Variants in DNAH5 observed in about 807,000 individuals in gnomAD.
DNAH5 encodes the protein axonemal beta dynein heavy chain 5.
DNAH5 carries 372 observed loss-of-function variants against 518.2 expected under a neutral mutation model. That is an observed-to-expected ratio of 0.72 (90% confidence interval 0.66 to 0.78). DNAH5 has a LOEUF of 0.78. DNAH5 is among the 30% of genes least tolerant of loss of function. The pLI, the probability that DNAH5 is intolerant of heterozygous loss-of-function variation, is 0.00. For synonymous variants in DNAH5, 2,039 were observed against 2,025.9 expected (o/e 1.01, Z -0.17); for missense variants, 5,523 against 5,687.0 (o/e 0.97, Z 0.93).
rs1756489412 is a variant in DNAH5, at chr5:13,788,802, T to G, written c.8561A>C (p.Glu2854Ala). The change falls in exon 51 of 79, where the codon GAG (glutamate) becomes GCG (alanine). Residue 2854 changes from glutamate to alanine, a missense_variant. By Grantham distance (107) the Glu-to-Ala change is moderately radical. Coordinates refer to ENST00000265104, the MANE Select transcript of DNAH5 (RefSeq NM_001369.3). ...CAAGAGTTTTTTCTCTTCACCAAAC[T>G]CCTCCTCTACCAAACTTACTAAAGC... ...DKALVSLVEE[E>A]FGEEKKLLVD... 2 of 1,613,952 alleles carry G rather than the reference T, an allele frequency of 1.2e-6. No individual in the cohort carries two copies. Among genetic ancestry groups the G allele is most frequent in the Non-Finnish European group, 1.7e-6 (2 of 1,179,998 alleles).
At chr5:13,992,038 C>T (rs979650612) in intron 1 of DNAH5, among the ~76,000 whole-genome samples, 2 of 152,180 alleles carry the variant, frequency 1.3e-5, no homozygotes, top group African/African-American at 4.8e-5. Flanking sequence ...GAGATGAAGA[C>T]AAACACCCAA....
chr5:13,806,050 A>G (rs1759534754), intron 47 of DNAH5, among the ~76,000 whole-genome samples: 1 of 152,226 alleles, frequency 6.6e-6, no homozygotes, highest in South Asian at 2.1e-4. Flanking sequence ...TAATGAAAAA[A>G]TAATCACACT....
intron 65 of DNAH5, among the ~76,000 whole-genome samples, chr5:13,742,947 G>T (rs531520278): frequency 6.6e-6 from 1 of 152,112 alleles, no homozygotes; most frequent in South Asian, 2.1e-4. Flanking sequence ...TTGTTGCTTG[G>T]TTTTTGTTCA....
At chr5:14,009,570 T>A (rs1784974582) in intron 1 of DNAH5, among the ~76,000 whole-genome samples, 1 of 152,204 alleles carries the variant, frequency 6.6e-6, no homozygotes, top group Non-Finnish European at 1.5e-5. Context: ...GCTACCAAAA[T>A]CCTTTCCAAA....
chr5:13,718,893 C>A lies in DNAH5; in HGVS notation c.12488G>T (p.Arg4163Ile). The A allele has an allele frequency of 6.2e-7, 1 of 1,612,972 alleles. No individual in the cohort carries two copies. The highest frequency in any genetic ancestry group is 2.2e-5 in the East Asian group (1 of 44,866). The change falls in exon 72 of 79, where the codon AGA (arginine) becomes ATA (isoleucine). Residue 4163 changes from arginine (R) to isoleucine (I), a missense_variant. Arg to Ile is a moderately conservative substitution (Grantham distance 97). Coordinates refer to ENST00000265104, the MANE Select transcript of DNAH5 (RefSeq NM_001369.3). ...PPQGLRAGLK[R>I]TYSGVSQDLL... is the part of the protein sequence containing the mutation. ...ATTTCTGGACTCACCACTATATGTT[C>A]TTTTCAGTCCTGCCCGGAGTCCTTG...
intron 1 of DNAH5, among the ~76,000 whole-genome samples, chr5:14,007,807 A>C (rs1186634346): frequency 6.6e-6 from 1 of 152,174 alleles, no homozygotes; most frequent in African/African-American, 2.4e-5. Flanking sequence ...AAGCATCATT[A>C]ATTGTGTAAT....
chr5:13,799,681 A>G (rs1758436410), intron 47 of DNAH5, among the ~76,000 whole-genome samples: 1 of 152,200 alleles, frequency 6.6e-6, no homozygotes, highest in Non-Finnish European at 1.5e-5. Flanking sequence ...GAAACACAAC[A>G]CAGGTTGGTT....
intron 75 of DNAH5, among the ~76,000 whole-genome samples, 165 bp from the exon 76 acceptor site, chr5:13,708,500 G>C (rs531971145): frequency 6.6e-6 from 1 of 151,054 alleles, no homozygotes; most frequent in Admixed American, 6.6e-5. Context: ...AAAGAAAACA[G>C]AAAAAAGTAT....
chr5:13,952,894 C>T (rs1276468908), intron 1 of DNAH5, among the ~76,000 whole-genome samples: 1 of 152,146 alleles, frequency 6.6e-6, no homozygotes, highest in Non-Finnish European at 1.5e-5. Flanking sequence ...GTGATCCTTC[C>T]ACCCCAGTCT....
At chr5:13,769,691 A>G (rs892025221) in intron 56 of DNAH5, 76 bp from the exon 57 acceptor site, 1 of 1,191,846 alleles carries the variant, frequency 8.4e-7, no homozygotes, top group Non-Finnish European at 1.3e-6. Flanking sequence ...TGGTCCAATA[A>G]TGAGTGGTAA....
chr5:13,988,485 T>A (rs1039305922), intron 1 of DNAH5, among the ~76,000 whole-genome samples: 2 of 151,896 alleles, frequency 1.3e-5, no homozygotes, highest in Admixed American at 6.6e-5. Flanking sequence ...TGGCATGATC[T>A]CAGCTCACTG....
At chr5:13,744,693 A>G (rs1455915274) in intron 65 of DNAH5, among the ~76,000 whole-genome samples, 2 of 152,138 alleles carry the variant, frequency 1.3e-5, no homozygotes. Flanking sequence ...GCATTTGTTA[A>G]TTAAATGATT....
intron 3 of DNAH5, among the ~76,000 whole-genome samples, chr5:13,926,481 G>A (rs1777884758): frequency 6.6e-6 from 1 of 152,192 alleles, no homozygotes; most frequent in Middle Eastern, 3.2e-3. Flanking sequence ...AAAAGCACAT[G>A]GTCCTCCCTC....
chr5:13,867,731 C>T (rs773616733), intron 25 of DNAH5, 43 bp downstream of exon 25: 4 of 1,439,684 alleles, frequency 2.8e-6, no homozygotes, highest in South Asian at 2.3e-5. Context: ...ATGTTGTATT[C>T]ACTCATCCCC....
At position 13,864,457 on chromosome 5, in the gene DNAH5, T is replaced by A; in HGVS notation, c.4536A>T (p.Glu1512Asp). 3 of 1,614,176 alleles carry A rather than the reference T, an allele frequency of 1.9e-6. 1 individual carries two copies. In the South Asian group the frequency reaches 3.3e-5, roughly 18 times the overall value. ...CCATGATATTTCTTAACTTAAAGCT[T>A]TCATTCCCCACATCCAGACTGTGCC... ...LTGHSLDVGNESFKLRNIMEA... is the reference protein window; with the variant it reads ...LTGHSLDVGNDSFKLRNIMEA... Residue 1512 changes from glutamate (E) to aspartate (D), a missense_variant, in exon 28 of 79, where the codon GAA (glutamate) becomes GAT (aspartate). Glu to Asp is a conservative substitution (Grantham distance 45). This residue lies in a region of DNAH5 where 5,121 missense variants were observed against 5,223.3 expected (regional missense o/e 0.98). Coordinates refer to ENST00000265104, the MANE Select transcript of DNAH5 (RefSeq NM_001369.3).
At chr5:13,794,753 C>G (rs980454805) in intron 47 of DNAH5, among the ~76,000 whole-genome samples, 1 of 152,108 alleles carries the variant, frequency 6.6e-6, no homozygotes, top group Non-Finnish European at 1.5e-5. Context: ...ATCACGAGGT[C>G]AGGAGATCGA....
At chr5:13,814,276 A>G (rs777332458) in intron 43 of DNAH5, among the ~76,000 whole-genome samples, 19 of 152,234 alleles carry the variant, frequency 1.2e-4, no homozygotes, top group Admixed American at 2.0e-4. Context: ...TTTCAAAAAT[A>G]TCATGAATCC....
At chr5:13,770,250 G>C (rs1463392216) in intron 56 of DNAH5, among the ~76,000 whole-genome samples, 6 of 152,172 alleles carry the variant, frequency 3.9e-5, no homozygotes, top group Admixed American at 3.9e-4. Context: ...CTTCAGGGAA[G>C]CAGGGATACT....
At chr5:13,861,964 AAAAAAAAAAAAAC>A (rs1459033922) in intron 29 of DNAH5, among the ~76,000 whole-genome samples, 5 of 151,112 alleles carry the variant, frequency 3.3e-5, no homozygotes, top group East Asian at 1.9e-4. Flanking sequence ...AAAAAAAAAA[AAAAAAAAAAAAAC>A]AAGTTCAAAT....
Sources: allele counts gnomAD v4.1 joint callset (sites outside exome capture counted in the v4.1 genomes callset), GRCh38; gene constraint gnomAD v4.1.1; regional missense constraint gnomAD v4.1.1; transcripts MANE v1.5; gene names NCBI Gene and HGNC (gene_info 2026-07-23, HGNC 2026-07-21).